KCNK2: variants seen among roughly 807,000 people sequenced by gnomAD.
KCNK2 encodes the protein potassium channel subfamily K member 2.
KCNK2 carries 21 observed loss-of-function variants against 40.5 expected under a neutral mutation model. The observed-to-expected ratio is 0.52, with a 90% CI of 0.37 to 0.75. The LOEUF is 0.75. KCNK2 is among the 30% of genes least tolerant of loss of function. The probability of loss-of-function intolerance (pLI) is 0.00; values close to 1 mark genes in which losing one functional copy is unlikely to be tolerated. For synonymous variants in KCNK2, 191 were observed against 202.2 expected, an observed-to-expected ratio of 0.94 and a Z score of 0.47; for missense variants, 399 against 531.6, an observed-to-expected ratio of 0.75 and a Z score of 2.45.
chr1:215,095,433 T>C (rs751630424), intron 2 of KCNK2, among the ~76,000 whole-genome samples: 11 of 152,172 alleles, frequency 7.2e-5, no homozygotes, highest in Non-Finnish European at 1.5e-4. Context: ...TGTCTTGCTT[T>C]GTTAGGAAAC....
chr1:215,063,143 CGG>C (rs750131521), intron 1 of KCNK2, among the ~76,000 whole-genome samples: 1,699 of 152,122 alleles, frequency 0.011, 36 homozygotes, highest in South Asian at 0.097. Flanking sequence ...TTTGTGGGAA[CGG>C]TAAGCAATAA....
intron 1 of KCNK2, among the ~76,000 whole-genome samples, chr1:215,044,833 G>A (rs372755130): frequency 2.1e-5 from 3 of 141,320 alleles, no homozygotes; most frequent in African/African-American, 7.7e-5. Context: ...GTGTGCGCGC[G>A]CACACGTGTG....
chr1:215,159,433 T>C lies in KCNK2; in HGVS notation c.476-9766T>C, dbSNP rs577785600. On this transcript the variant is annotated intron_variant, in intron 3 of 6. Coordinates refer to ENST00000444842, the MANE Select transcript of KCNK2 (RefSeq NM_001017425.3). Reference sequence around the variant, plus strand: ...GGAGACACTGGGTGGACAAGAATTTTACTTGCGTCTTCTCTAATTCCTTCT... The same window carrying C: ...GGAGACACTGGGTGGACAAGAATTTCACTTGCGTCTTCTCTAATTCCTTCT... Among the ~76,000 whole-genome samples, 20 of 152,198 alleles carry C rather than the reference T, an allele frequency of 1.3e-4. No homozygotes were observed. In the South Asian group the frequency reaches 1.9e-3, roughly 14 times the overall value.
At chr1:215,113,848 G>A (rs1293893657) in intron 2 of KCNK2, among the ~76,000 whole-genome samples, 1 of 152,010 alleles carries the variant, frequency 6.6e-6, no homozygotes. Context: ...TGCGCAACTC[G>A]GCCTCCCAAA....
At chr1:215,161,903 T>C (rs964845267) in intron 3 of KCNK2, among the ~76,000 whole-genome samples, 8 of 152,226 alleles carry the variant, frequency 5.3e-5, no homozygotes, top group African/African-American at 1.9e-4. Context: ...GCATGTGTCT[T>C]TATTGTAGAA....
At chr1:215,131,259 G>T (rs1249442582) in intron 3 of KCNK2, among the ~76,000 whole-genome samples, 13 of 150,660 alleles carry the variant, frequency 8.6e-5, no homozygotes, top group African/African-American at 2.9e-4. Flanking sequence ...TCTATTTCAA[G>T]ACCAATTTAA....
intron 1 of KCNK2, among the ~76,000 whole-genome samples, chr1:215,028,703 C>T (rs1401430947): frequency 1.3e-5 from 2 of 152,060 alleles, no homozygotes; most frequent in African/African-American, 4.8e-5. Context: ...AGGTACCGTT[C>T]AGTTTTGATA....
intron 1 of KCNK2, among the ~76,000 whole-genome samples, chr1:215,012,645 AGTT>A (rs1656447302): frequency 1.1e-5 from 1 of 87,894 alleles, no homozygotes; most frequent in Non-Finnish European, 2.2e-5. Flanking sequence ...CTAATTTTTT[AGTT>A]TTTTTTTTTT....
intron 5 of KCNK2, among the ~76,000 whole-genome samples, chr1:215,186,611 G>T (rs1298900551): frequency 2.0e-5 from 3 of 152,188 alleles, no homozygotes; most frequent in Admixed American, 1.3e-4. Flanking sequence ...CAGTGCTCAG[G>T]TGTCTCTGTG....
At chr1:215,016,285 T>TAGAGGATGCGATA (rs80185209) in intron 1 of KCNK2, among the ~76,000 whole-genome samples, 68,088 of 151,592 alleles carry the variant, frequency 0.45, 16,108 homozygotes, top group South Asian at 0.71. Flanking sequence ...TTAAGAGATA[T>TAGAGGATGCGATA]AGAACACATA....
chr1:215,145,206 TTAGC>T (rs1662361822), intron 3 of KCNK2, among the ~76,000 whole-genome samples: 1 of 152,178 alleles, frequency 6.6e-6, no homozygotes, highest in Non-Finnish European at 1.5e-5. Context: ...GAAAGTGACT[TTAGC>T]TGGCTGATAC....
At chr1:215,078,315 A>T (rs1659024352), upstream of KCNK2, among the ~76,000 whole-genome samples, 1 of 152,222 alleles carries the variant, frequency 6.6e-6, no homozygotes, top group Admixed American at 6.5e-5. Flanking sequence ...CAAACGCAGG[A>T]GATAATAAAA....
At chr1:215,166,597 T>C (rs187143328) in intron 3 of KCNK2, among the ~76,000 whole-genome samples, 3 of 152,136 alleles carry the variant, frequency 2.0e-5, no homozygotes, top group African/African-American at 7.2e-5. Context: ...GCTTTGAGAA[T>C]TGGGAGAACC....
At chr1:215,094,574 C>T (rs1659894717) in intron 2 of KCNK2, among the ~76,000 whole-genome samples, 1 of 152,118 alleles carries the variant, frequency 6.6e-6, no homozygotes, top group South Asian at 2.1e-4. Context: ...ATCATTCTTG[C>T]TTTCACTCTC....
At chr1:215,052,708 C>T (rs565375043) in intron 1 of KCNK2, among the ~76,000 whole-genome samples, 1 of 152,080 alleles carries the variant, frequency 6.6e-6, no homozygotes, top group Non-Finnish European at 1.5e-5. Context: ...GGTTGAGAAA[C>T]CTTGGATTAG....
chr1:215,083,185 T>G lies in KCNK2; in HGVS notation c.-201T>G. The stretch of plus-strand genomic sequence containing the variant: ...CCCCTCCTTCCCGCGATTTCGTTTC[T>G]TCTCACGCTCCCCCCCCCGCCCCCT... On this transcript the variant is annotated 5_prime_UTR_variant, in exon 1 of 7. Transcript: ENST00000444842. 1 of 1,149,082 alleles carries G rather than the reference T, an allele frequency of 8.7e-7. No individual in the cohort carries two copies. The highest frequency in any genetic ancestry group is 1.2e-6 in the Non-Finnish European group (1 of 800,934). The allele number at this position is 1,149,082 out of a possible 1,614,324, so 71.2% of individuals were successfully genotyped here.
At chr1:215,020,174 C>A (rs1428090856) in intron 1 of KCNK2, among the ~76,000 whole-genome samples, 1 of 152,096 alleles carries the variant, frequency 6.6e-6, no homozygotes, top group African/African-American at 2.4e-5. Flanking sequence ...TCAATGGGAG[C>A]ATTCTTTAAG....
chr1:215,091,989 G>A (rs1039731972), intron 2 of KCNK2, among the ~76,000 whole-genome samples: 15 of 152,182 alleles, frequency 9.9e-5, no homozygotes, highest in South Asian at 8.3e-4. Flanking sequence ...TAAGGAGTTC[G>A]GCTTTTTGGT....
intron 1 of KCNK2, among the ~76,000 whole-genome samples, chr1:215,024,189 A>G (rs1190011759): frequency 6.6e-6 from 1 of 152,202 alleles, no homozygotes; most frequent in African/African-American, 2.4e-5. Context: ...GACTCACTGG[A>G]ACTACCAGAT....
Sources: allele counts gnomAD v4.1 joint callset (sites outside exome capture counted in the v4.1 genomes callset), GRCh38; gene constraint gnomAD v4.1.1; transcripts MANE v1.5; gene names NCBI Gene and HGNC (gene_info 2026-07-23, HGNC 2026-07-21).